The following DNAJC15 variants were observed in gnomAD, a reference collection of about 807,000 sequenced individuals.
The protein encoded by DNAJC15 is DnaJ heat shock protein family (Hsp40) member C15.
Under a neutral mutation model 22.4 loss-of-function variants are expected in DNAJC15, and 27 were observed. That is an observed-to-expected ratio of 1.20 (90% confidence interval 0.89 to 1.66). The LOEUF (loss-of-function observed/expected upper bound fraction) is 1.66, where lower values mean the gene tolerates loss of function less well. DNAJC15 is among the 40% of genes most tolerant of loss of function. The pLI is 0.00. For synonymous variants in DNAJC15, 79 were observed against 63.2 expected (o/e 1.25, Z -1.19); for missense variants, 208 against 187.1 (o/e 1.11, Z -0.65).
intron 1 of DNAJC15, among the ~76,000 whole-genome samples, chr13:43,037,487 A>T (rs569322470): frequency 6.6e-6 from 1 of 152,224 alleles, no homozygotes; most frequent in Admixed American, 6.5e-5. Context: ...TGAAGAATGT[A>T]AGGAAGAATT....
intron 1 of DNAJC15, among the ~76,000 whole-genome samples, chr13:43,061,815 CAT>C (rs751850989): frequency 1.2e-4 from 18 of 152,226 alleles, no homozygotes; most frequent in Non-Finnish European, 2.5e-4. Flanking sequence ...TACATTTCCA[CAT>C]GAGATGTGAG....
intron 1 of DNAJC15, among the ~76,000 whole-genome samples, chr13:43,060,801 G>A (rs564443101): frequency 1.1e-4 from 17 of 152,158 alleles, no homozygotes; most frequent in Non-Finnish European, 2.2e-4. Context: ...GAGGTGGGAA[G>A]GCCAAACTGA....
chr13:43,062,129 C>T (rs2040562138), intron 1 of DNAJC15, among the ~76,000 whole-genome samples: 1 of 151,780 alleles, frequency 6.6e-6, no homozygotes, highest in Non-Finnish European at 1.5e-5. Context: ...TTTAAGATAA[C>T]CAAGAAAGGA....
chr13:43,101,704 G>A (rs1270838511), intron 5 of DNAJC15, among the ~76,000 whole-genome samples: 1 of 152,108 alleles, frequency 6.6e-6, no homozygotes, highest in Non-Finnish European at 1.5e-5. Flanking sequence ...CCATTCCGGA[G>A]TTACTTTGCA....
chr13:43,055,294 G>A (rs546360194), intron 1 of DNAJC15, among the ~76,000 whole-genome samples: 6 of 150,534 alleles, frequency 4.0e-5, no homozygotes, highest in South Asian at 2.1e-4. Context: ...CAACTAAATC[G>A]TCAGGCCCTA....
intron 1 of DNAJC15, among the ~76,000 whole-genome samples, chr13:43,062,087 TGAA>T (rs1184325544): frequency 2.6e-5 from 4 of 152,138 alleles, no homozygotes; most frequent in African/African-American, 9.7e-5. Context: ...GATAGTTTAT[TGAA>T]GGGACTGTTT....
Position 43,108,203 on chromosome 13 carries a change from A to G in DNAJC15, c.*955A>G, listed in dbSNP as rs1383303033. On this transcript the variant is annotated 3_prime_UTR_variant, in exon 6 of 6. Transcript: ENST00000379221. Reference sequence around the variant, plus strand: ...TAAGTGGCATAGAGCTAGGCTTTAGAAAAGAAAAATATTCCGATACCATAT... The same window carrying G: ...TAAGTGGCATAGAGCTAGGCTTTAGGAAAGAAAAATATTCCGATACCATAT... The G allele has an allele frequency of 6.6e-6, 1 of 152,304 alleles. No homozygotes were observed. The highest frequency in any genetic ancestry group is 2.4e-5 in the African/African-American group (1 of 41,468). 9.4% of individuals were successfully genotyped at this position (152,304 alleles called of 1,614,324 possible). A position where few individuals can be genotyped will look rare whatever the true frequency, so the allele number is the denominator to read the frequency against.
At chr13:43,075,491 T>C (rs926443371) in intron 3 of DNAJC15, among the ~76,000 whole-genome samples, 3 of 152,194 alleles carry the variant, frequency 2.0e-5, no homozygotes, top group African/African-American at 7.2e-5. Context: ...TAAAGAATTA[T>C]TCTATGTAGT....
intron 1 of DNAJC15, among the ~76,000 whole-genome samples, chr13:43,027,366 T>C (rs530983750): frequency 6.6e-6 from 1 of 152,308 alleles, no homozygotes; most frequent in Non-Finnish European, 1.5e-5. Context: ...AAGCCCAGCA[T>C]GCATTAGCTA....
intron 1 of DNAJC15, among the ~76,000 whole-genome samples, chr13:43,047,007 A>G (rs2040480558): frequency 6.6e-6 from 1 of 152,152 alleles, no homozygotes; most frequent in Admixed American, 6.5e-5. Context: ...AATAGCTATA[A>G]TACTCACCAC....
intron 1 of DNAJC15, among the ~76,000 whole-genome samples, chr13:43,037,985 A>T (rs760109081): frequency 5.3e-5 from 8 of 152,214 alleles, no homozygotes; most frequent in Non-Finnish European, 1.2e-4. Context: ...AACATTCCTC[A>T]ATAATATATT....
At chr13:43,069,509 A>G (rs927810120) in intron 3 of DNAJC15, among the ~76,000 whole-genome samples, 1 of 152,212 alleles carries the variant, frequency 6.6e-6, no homozygotes, top group Non-Finnish European at 1.5e-5. Context: ...AGAACTTATT[A>G]TACATTTTTG....
At chr13:43,089,191 T>G (rs2040702937) in intron 5 of DNAJC15, among the ~76,000 whole-genome samples, 1 of 152,224 alleles carries the variant, frequency 6.6e-6, no homozygotes, top group Non-Finnish European at 1.5e-5. Flanking sequence ...TTTCTTAGAT[T>G]AGATTGATAG....
At chr13:43,096,853 T>A (rs1268492639) in intron 5 of DNAJC15, among the ~76,000 whole-genome samples, 1 of 151,974 alleles carries the variant, frequency 6.6e-6, no homozygotes, top group Non-Finnish European at 1.5e-5. Context: ...TCTTACCTTC[T>A]TAGATCCTTG....
intron 2 of DNAJC15, among the ~76,000 whole-genome samples, chr13:43,068,523 T>A (rs1371834441): frequency 6.6e-6 from 1 of 152,140 alleles, no homozygotes; most frequent in Admixed American, 6.5e-5. Flanking sequence ...TCAAAGTGAT[T>A]ATCATAAAAA....
chr13:43,034,683 G>A (rs763474312), intron 1 of DNAJC15, among the ~76,000 whole-genome samples: 7 of 152,074 alleles, frequency 4.6e-5, no homozygotes, highest in Non-Finnish European at 1.0e-4. Context: ...GTAATTTTAT[G>A]CTTTGGATTA....
At position 43,109,986 on chromosome 13, in the gene DNAJC15, G is replaced by A. The variant is rs183654889; in HGVS notation, c.*2738G>A. 6 of 152,250 alleles carry A rather than the reference G, an allele frequency of 3.9e-5. No homozygotes were observed. Among genetic ancestry groups the A allele is most frequent in the Admixed American group, 3.9e-4 (6 of 15,288 alleles). The allele number at this position is 152,250 out of a possible 1,614,324, so 9.4% of individuals were successfully genotyped here. Reference sequence around the variant, plus strand: ...CTTCTTTCACTGCCTCATTTAATTAGTTTTATCTTTAATAATACCTTGGAT... The same window carrying A: ...CTTCTTTCACTGCCTCATTTAATTAATTTTATCTTTAATAATACCTTGGAT... On this transcript the variant is annotated 3_prime_UTR_variant, in exon 6 of 6. Transcript: ENST00000379221.
chr13:43,101,995 G>T (rs1212824101), intron 5 of DNAJC15, among the ~76,000 whole-genome samples: 3 of 152,112 alleles, frequency 2.0e-5, no homozygotes, highest in Non-Finnish European at 2.9e-5. Flanking sequence ...GTTCTTTAAG[G>T]AATCTACATA....
intron 1 of DNAJC15, among the ~76,000 whole-genome samples, chr13:43,053,625 A>G (rs2040515931): frequency 6.6e-6 from 1 of 151,914 alleles, no homozygotes; most frequent in African/African-American, 2.4e-5. Flanking sequence ...TTTTACCTCC[A>G]TGGTTAGGTA....
Sources: gnomAD v4.1 joint callset for allele counts (sites outside exome capture counted in the v4.1 genomes callset) on GRCh38, gnomAD v4.1.1 for gene constraint, MANE v1.5 for transcripts, NCBI Gene and HGNC (gene_info 2026-07-23, HGNC 2026-07-21) for gene names.